WWOX: variants seen among roughly 807,000 people sequenced by gnomAD.
WWOX encodes WW domain containing oxidoreductase.
Under a neutral mutation model 46.2 loss-of-function variants are expected in WWOX, and 69 were observed. The ratio of observed to expected loss-of-function variants is 1.49; its 90% CI spans 1.23 to 1.82. The LOEUF (loss-of-function observed/expected upper bound fraction) is 1.82, where lower values mean the gene tolerates loss of function less well. Ranked by LOEUF, WWOX falls within the 40% of genes most tolerant of loss-of-function variation. The pLI, the probability that WWOX is intolerant of heterozygous loss-of-function variation, is 0.00. For missense variants in WWOX, 919 were observed against 542.6 expected (o/e 1.69, Z -6.89); for synonymous variants, 359 against 202.6 (o/e 1.77, Z -6.56).
intron 8 of WWOX, among the ~76,000 whole-genome samples, chr16:78,814,674 C>A (rs1032141169): frequency 6.6e-6 from 1 of 152,216 alleles, no homozygotes; most frequent in African/African-American, 2.4e-5. Context: ...ACCAGCGTGA[C>A]ATCCAGGGTC....
intron 8 of WWOX, among the ~76,000 whole-genome samples, chr16:79,021,937 C>T (rs561784831): frequency 6.6e-6 from 1 of 152,326 alleles, no homozygotes; most frequent in East Asian, 1.9e-4. Context: ...ACCCAGTTCA[C>T]TGAGAGTTAA....
intron 8 of WWOX, among the ~76,000 whole-genome samples, chr16:79,117,332 A>G (rs926532789): frequency 2.0e-5 from 3 of 152,194 alleles, no homozygotes; most frequent in Non-Finnish European, 4.4e-5. Context: ...TTAAAGGAAT[A>G]CAAATTTTTT....
intron 4 of WWOX, among the ~76,000 whole-genome samples, chr16:78,136,872 A>T (rs952666610): frequency 6.6e-6 from 1 of 152,158 alleles, no homozygotes; most frequent in African/African-American, 2.4e-5. Context: ...ACAATTAGAC[A>T]GGGTAATGGG....
At chr16:78,431,867 C>T (rs1440869325) in intron 7 of WWOX, among the ~76,000 whole-genome samples, 1 of 152,022 alleles carries the variant, frequency 6.6e-6, no homozygotes, top group African/African-American at 2.4e-5. Flanking sequence ...CAGGCATGTG[C>T]CAAAATACTC....
At chr16:78,427,532 ACG>A (rs1334476920) in intron 7 of WWOX, among the ~76,000 whole-genome samples, 12 of 150,650 alleles carry the variant, frequency 8.0e-5, no homozygotes, top group African/African-American at 2.7e-4. Context: ...TCACACATAC[ACG>A]CACGCACGCA....
chr16:78,448,968 A>C (rs898403399), intron 8 of WWOX, among the ~76,000 whole-genome samples: 1 of 152,188 alleles, frequency 6.6e-6, no homozygotes, highest in African/African-American at 2.4e-5. Flanking sequence ...TGGTCTGGTT[A>C]CAGAGGGAAC....
chr16:79,105,758 A>T (rs2049296206), intron 8 of WWOX, among the ~76,000 whole-genome samples: 2 of 151,062 alleles, frequency 1.3e-5, no homozygotes, highest in African/African-American at 2.4e-5. Flanking sequence ...CATCTCCTGG[A>T]TGCCAGCAAT....
At position 78,646,651 on chromosome 16, in the gene WWOX, C is replaced by T. The variant is rs2046852148; in HGVS notation, c.1056+213899C>T. Among the ~76,000 whole-genome samples, 5 of 152,292 alleles carry T rather than the reference C, an allele frequency of 3.3e-5. No homozygotes were observed. The South Asian group carries it at 1.0e-3, about 32-fold the overall frequency. ...CCATGTTGGCCAAGCTGATCTCAAACTCCTGACCTCAGGTGATCCGCCCTA... is the reference window on the plus strand; with the variant it reads ...CCATGTTGGCCAAGCTGATCTCAAATTCCTGACCTCAGGTGATCCGCCCTA... On this transcript the variant is annotated intron_variant, in intron 8 of 8. Transcript: ENST00000566780.
At chr16:78,911,557 C>G (rs1194401640) in intron 8 of WWOX, among the ~76,000 whole-genome samples, 1 of 151,944 alleles carries the variant, frequency 6.6e-6, no homozygotes, top group African/African-American at 2.4e-5. Flanking sequence ...AAAATTCTCC[C>G]CAGTGGCAAT....
At chr16:78,213,613 A>G (rs971465159) in intron 5 of WWOX, among the ~76,000 whole-genome samples, 1 of 151,968 alleles carries the variant, frequency 6.6e-6, no homozygotes. Context: ...GAGGGTGGAA[A>G]AGAACTTACA....
intron 8 of WWOX, among the ~76,000 whole-genome samples, chr16:79,080,769 C>T (rs942279025): frequency 6.6e-6 from 1 of 152,082 alleles, no homozygotes; most frequent in Non-Finnish European, 1.5e-5. Context: ...GAGTTTGAGA[C>T]CAGCCCGGGC....
chr16:78,353,238 G>T (rs891500216), intron 5 of WWOX, among the ~76,000 whole-genome samples: 1 of 152,138 alleles, frequency 6.6e-6, no homozygotes, highest in Non-Finnish European at 1.5e-5. Flanking sequence ...TTATGTAGGG[G>T]CCCGTGTATA....
At chr16:78,972,626 C>G (rs1381962504) in intron 8 of WWOX, among the ~76,000 whole-genome samples, 1 of 152,094 alleles carries the variant, frequency 6.6e-6, no homozygotes, top group Non-Finnish European at 1.5e-5. Context: ...GTACATACCG[C>G]TGCACATCCC....
Position 78,442,282 on chromosome 16 carries a change from A to G in WWOX, c.1056+9530A>G, listed in dbSNP as rs778783755. Among the ~76,000 whole-genome samples the G allele has an allele frequency of 5.3e-4, 80 of 152,202 alleles. 1 individual carries two copies. The highest frequency in any genetic ancestry group is 1.1e-3 in the Non-Finnish European group (74 of 68,036). ...ATCATTTTTTGTGTGTGGCAAGAAC[A>G]TTGAAAGTCTAGTCTCAGCAATTTT... On this transcript the variant is annotated intron_variant, in intron 8 of 8. Coordinates refer to ENST00000566780, the MANE Select transcript of WWOX (RefSeq NM_016373.4).
chr16:78,424,198 A>T lies in WWOX; in HGVS notation c.606-672A>T, dbSNP rs113464960. Among the ~76,000 whole-genome samples the T allele has an allele frequency of 8.5e-3, 1,241 of 145,616 alleles. 18 individuals are homozygous for T. Among genetic ancestry groups the T allele is most frequent in the African/African-American group, 0.029 (1,122 of 38,898 alleles). ...AGTGGCATGATCTTAGCTCACTGCA[A>T]CCTCTGCCTCCTGGGTTCAAGTGAT... On this transcript the variant is annotated intron_variant, in intron 6 of 8. Coordinates refer to ENST00000566780, the MANE Select transcript of WWOX (RefSeq NM_016373.4).
At chr16:78,419,796 A>G (rs2151955625) in intron 6 of WWOX, among the ~76,000 whole-genome samples, 1 of 152,250 alleles carries the variant, frequency 6.6e-6, no homozygotes, top group Non-Finnish European at 1.5e-5. Context: ...AGATATCCAG[A>G]ATGATCCAGA....
At chr16:78,628,100 C>G (rs1002349022) in intron 8 of WWOX, among the ~76,000 whole-genome samples, 1 of 152,110 alleles carries the variant, frequency 6.6e-6, no homozygotes, top group Non-Finnish European at 1.5e-5. Flanking sequence ...TAGATAGTGG[C>G]CCTACAGTGG....
chr16:78,450,160 C>T (rs1226578760), intron 8 of WWOX, among the ~76,000 whole-genome samples: 1 of 152,084 alleles, frequency 6.6e-6, no homozygotes, highest in Non-Finnish European at 1.5e-5. Context: ...TCTAATTTAG[C>T]AAAATTCAAA....
chr16:78,838,139 G>T (rs552430006), intron 8 of WWOX, among the ~76,000 whole-genome samples: 1 of 152,284 alleles, frequency 6.6e-6, no homozygotes, highest in African/African-American at 2.4e-5. Flanking sequence ...CTTCAACTCT[G>T]TCAGGCTGCA....
Sources: gnomAD v4.1 joint callset for allele counts (sites outside exome capture counted in the v4.1 genomes callset) on GRCh38, gnomAD v4.1.1 for gene constraint, MANE v1.5 for transcripts, NCBI Gene and HGNC (gene_info 2026-07-23, HGNC 2026-07-21) for gene names.